Variants in TRAPPC9 observed in about 807,000 individuals in gnomAD.
TRAPPC9 encodes trafficking protein particle complex subunit 9.
A neutral mutation model predicts 124.0 loss-of-function variants in TRAPPC9; 83 were observed. The ratio of observed to expected loss-of-function variants is 0.67; its 90% CI spans 0.56 to 0.80. The LOEUF is 0.80. Among genes scored for constraint, TRAPPC9 ranks in the 30% least tolerant of loss-of-function variants. The pLI is 0.00. For missense variants in TRAPPC9, 1,302 were observed against 1,508.3 expected, an observed-to-expected ratio of 0.86 and a Z score of 2.27; for synonymous variants, 638 against 617.5, an observed-to-expected ratio of 1.03 and a Z score of -0.49.
At chr8:140,013,628 C>T (rs1839274300) in intron 18 of TRAPPC9, among the ~76,000 whole-genome samples, 1 of 152,176 alleles carries the variant, frequency 6.6e-6, no homozygotes, top group African/African-American at 2.4e-5. Context: ...TGATGTCCTT[C>T]GGGAGTGCTG....
intron 3 of TRAPPC9, among the ~76,000 whole-genome samples, 182 bp from the exon 4 acceptor site, chr8:140,435,422 G>GT (rs2070780796): frequency 6.6e-6 from 1 of 152,206 alleles, no homozygotes; most frequent in African/African-American, 2.4e-5. Context: ...AAGATCACTA[G>GT]TTTTTTGCAA....
intron 19 of TRAPPC9, among the ~76,000 whole-genome samples, chr8:139,975,042 C>T (rs1836350487): frequency 6.6e-6 from 1 of 152,178 alleles, no homozygotes; most frequent in African/African-American, 2.4e-5. Context: ...TCCAGACTGC[C>T]TCTCCAGCTC....
At chr8:139,791,540 C>T (rs1246552621) in intron 21 of TRAPPC9, among the ~76,000 whole-genome samples, 1 of 151,430 alleles carries the variant, frequency 6.6e-6, no homozygotes, top group East Asian at 2.0e-4. Flanking sequence ...GCACTCGTCT[C>T]TCCTGCACTC....
intron 21 of TRAPPC9, among the ~76,000 whole-genome samples, chr8:139,741,033 A>T (rs569881190): frequency 6.6e-6 from 1 of 152,114 alleles, no homozygotes; most frequent in Non-Finnish European, 1.5e-5. Flanking sequence ...TGTGACCCCA[A>T]TGAGCCCCAA....
intron 17 of TRAPPC9, among the ~76,000 whole-genome samples, chr8:140,054,237 T>C (rs907687490): frequency 1.5e-4 from 23 of 152,352 alleles, no homozygotes; most frequent in African/African-American, 5.3e-4. Flanking sequence ...ATTTGGGTTA[T>C]GGGTTCCACA....
chr8:139,873,704 T>C (rs1419048495), intron 21 of TRAPPC9, among the ~76,000 whole-genome samples: 1 of 152,186 alleles, frequency 6.6e-6, no homozygotes, highest in Non-Finnish European at 1.5e-5. Flanking sequence ...TTACTTCAGG[T>C]GGAAGCAGCC....
At chr8:139,952,832 A>C (rs139610581) in intron 19 of TRAPPC9, among the ~76,000 whole-genome samples, 1 of 152,344 alleles carries the variant, frequency 6.6e-6, no homozygotes, top group African/African-American at 2.4e-5. Flanking sequence ...CATCACATCC[A>C]TTCTCTAATC....
chr8:140,012,299 C>T (rs548776414), intron 18 of TRAPPC9, among the ~76,000 whole-genome samples: 1 of 152,300 alleles, frequency 6.6e-6, no homozygotes, highest in East Asian at 1.9e-4. Context: ...ATCCTTTCTT[C>T]CCTCCACAAA....
chr8:139,831,393 A>G (rs1195734941), intron 21 of TRAPPC9, among the ~76,000 whole-genome samples: 1 of 152,170 alleles, frequency 6.6e-6, no homozygotes, highest in South Asian at 2.1e-4. Context: ...CAGGGGCTAC[A>G]GGAAGAGACC....
chr8:140,396,046 TC>T (rs996704151), intron 7 of TRAPPC9, among the ~76,000 whole-genome samples: 9 of 148,938 alleles, frequency 6.0e-5, no homozygotes, highest in African/African-American at 2.0e-4. Context: ...TCGCCTGGGC[TC>T]CCCAAGGGCC....
chr8:140,415,780 G>C (rs113263456), intron 5 of TRAPPC9, among the ~76,000 whole-genome samples: 1,759 of 152,086 alleles, frequency 0.012, 31 homozygotes, highest in African/African-American at 0.039. Flanking sequence ...ACCGGGCTTG[G>C]TAACATAGAG....
chr8:140,330,999 T>C (rs1000905760), intron 9 of TRAPPC9, among the ~76,000 whole-genome samples: 2 of 152,016 alleles, frequency 1.3e-5, no homozygotes, highest in Non-Finnish European at 2.9e-5. Flanking sequence ...TTAAAAATCC[T>C]CAAATAGCTA....
At chr8:139,829,263 T>C (rs1403052124) in intron 21 of TRAPPC9, among the ~76,000 whole-genome samples, 2 of 152,262 alleles carry the variant, frequency 1.3e-5, no homozygotes, top group Non-Finnish European at 2.9e-5. Flanking sequence ...ACTGCTTTGG[T>C]GCGTGCACCA....
intron 21 of TRAPPC9, among the ~76,000 whole-genome samples, chr8:139,882,488 C>A (rs1314159973): frequency 6.6e-6 from 1 of 152,152 alleles, no homozygotes; most frequent in African/African-American, 2.4e-5. Context: ...TCACCCTGTC[C>A]CCCTACCTGT....
At chr8:139,893,061 G>A (rs962062694) in intron 20 of TRAPPC9, among the ~76,000 whole-genome samples, 2 of 152,214 alleles carry the variant, frequency 1.3e-5, no homozygotes, top group African/African-American at 2.4e-5. Context: ...CAGGCCCTGT[G>A]GGAGTTAAAC....
At chr8:140,411,678 T>C (rs1372002690) in intron 5 of TRAPPC9, among the ~76,000 whole-genome samples, 1 of 152,162 alleles carries the variant, frequency 6.6e-6, no homozygotes, top group African/African-American at 2.4e-5. Flanking sequence ...AGTAAACATA[T>C]GTTCAATAAC....
chr8:139,759,835 A>T (rs1820102855), intron 21 of TRAPPC9, among the ~76,000 whole-genome samples: 1 of 152,122 alleles, frequency 6.6e-6, no homozygotes, highest in African/African-American at 2.4e-5. Context: ...TGGAGGCCAG[A>T]TGTGGGGAGG....
At chr8:140,201,502 C>T in intron 17 of TRAPPC9, among the ~76,000 whole-genome samples, 1 of 152,186 alleles carries the variant, frequency 6.6e-6, no homozygotes, top group Admixed American at 6.5e-5. Context: ...TTATTTTAAA[C>T]TTTTCCAGAA....
At chr8:139,927,774 A>G (rs1196785796) in intron 19 of TRAPPC9, among the ~76,000 whole-genome samples, 1 of 152,358 alleles carries the variant, frequency 6.6e-6, no homozygotes, top group South Asian at 2.1e-4. Context: ...ACTCAACTAC[A>G]AAAAGGAACA....
Sources: gnomAD v4.1 joint callset for allele counts (sites outside exome capture counted in the v4.1 genomes callset) on GRCh38, gnomAD v4.1.1 for gene constraint, MANE v1.5 for transcripts, NCBI Gene and HGNC (gene_info 2026-07-23, HGNC 2026-07-21) for gene names.